Variants in EML6 observed in about 807,000 individuals in gnomAD.
EML6 encodes EMAP like 6.
In EML6, 154 loss-of-function variants were observed where a neutral mutation model predicts 240.1. The observed-to-expected ratio is 0.64, with a 90% CI of 0.56 to 0.73. EML6 has a LOEUF of 0.73. Ranked by LOEUF, EML6 falls within the 30% of genes least tolerant of loss-of-function variation. The probability of loss-of-function intolerance (pLI) is 0.00; values close to 1 mark genes in which losing one functional copy is unlikely to be tolerated. For synonymous variants in EML6, 1,148 were observed against 899.0 expected (o/e 1.28, Z -4.95); for missense variants, 2,964 against 2,474.6 (o/e 1.20, Z -4.20).
chr2:54,912,903 C>G lies in EML6; in HGVS notation c.3498+1861C>G, dbSNP rs1324329872. Among the ~76,000 whole-genome samples the G allele has an allele frequency of 2.6e-5, 4 of 152,062 alleles. No homozygotes were observed. The East Asian group carries it at 7.7e-4, about 29-fold the overall frequency. The stretch of plus-strand genomic sequence containing the variant: ...ATGTGTCTTTTTGGTAGAACAATTC[C>G]TTTTCTTTGGGGTATGTACCCAGTA... On this transcript the variant is annotated intron_variant, in intron 25 of 41. Transcript: ENST00000356458.
chr2:54,944,881 G>C (rs1030115188), intron 28 of EML6, among the ~76,000 whole-genome samples: 2 of 151,836 alleles, frequency 1.3e-5, no homozygotes, highest in African/African-American at 4.8e-5. Context: ...GTCCAGTTTG[G>C]TCTTGATAAC....
intron 35 of EML6, among the ~76,000 whole-genome samples, chr2:54,961,203 T>TTTTTTTTTTTG (rs1558729687): frequency 7.1e-6 from 1 of 141,264 alleles, no homozygotes; most frequent in African/African-American, 2.7e-5. Context: ...TTTTTTTTTT[T>TTTTTTTTTTTG]GAGACGGAGT....
intron 2 of EML6, among the ~76,000 whole-genome samples, chr2:54,785,155 C>G (rs1669021350): frequency 6.7e-6 from 1 of 148,852 alleles, no homozygotes; most frequent in South Asian, 2.1e-4. Flanking sequence ...AGATTTCCAC[C>G]CCCCCACACA....
At chr2:54,858,615 C>T (rs1670513573) in intron 11 of EML6, among the ~76,000 whole-genome samples, 1 of 152,210 alleles carries the variant, frequency 6.6e-6, no homozygotes, top group Non-Finnish European at 1.5e-5. Context: ...CCTTTCCCTT[C>T]TGCAGCAGAA....
chr2:54,893,741 TC>T (rs1249202747), intron 19 of EML6, among the ~76,000 whole-genome samples: 1 of 152,226 alleles, frequency 6.6e-6, no homozygotes, highest in Non-Finnish European at 1.5e-5. Flanking sequence ...GTCTCAATTT[TC>T]TTTTACCTGT....
chr2:54,968,326 C>T (rs1252694506), intron 40 of EML6, 45 bp downstream of exon 40: 6 of 1,541,526 alleles, frequency 3.9e-6, no homozygotes, highest in East Asian at 2.4e-5. Context: ...CTCTGTTTGG[C>T]CGTCTGCAGG....
intron 7 of EML6, among the ~76,000 whole-genome samples, chr2:54,832,913 C>T (rs1460004001): frequency 6.6e-6 from 1 of 152,200 alleles, no homozygotes; most frequent in African/African-American, 2.4e-5. Context: ...TCAGTTTGGA[C>T]ATGACAGTTT....
intron 26 of EML6, among the ~76,000 whole-genome samples, chr2:54,924,920 T>C (rs537287096): frequency 6.6e-6 from 1 of 152,188 alleles, no homozygotes; most frequent in African/African-American, 2.4e-5. Flanking sequence ...AATACATGAA[T>C]CTCTTGCCAA....
At chr2:54,818,183 G>GT (rs1480974300) in intron 4 of EML6, among the ~76,000 whole-genome samples, 1 of 152,110 alleles carries the variant, frequency 6.6e-6, no homozygotes, top group African/African-American at 2.4e-5. Flanking sequence ...GTTACAAACA[G>GT]TTTAAACCAG....
At chr2:54,969,042 G>A (rs1054411730) in intron 41 of EML6, among the ~76,000 whole-genome samples, 1 of 152,200 alleles carries the variant, frequency 6.6e-6, no homozygotes, top group African/African-American at 2.4e-5. Flanking sequence ...GGGGGAAAGG[G>A]ACAGGTGGAT....
intron 12 of EML6, among the ~76,000 whole-genome samples, chr2:54,862,359 A>AAC (rs1287451893): frequency 6.6e-6 from 1 of 150,970 alleles, no homozygotes; most frequent in Non-Finnish European, 1.5e-5. Flanking sequence ...AAAAAAAAAA[A>AAC]AAAAAACTTT....
intron 12 of EML6, among the ~76,000 whole-genome samples, chr2:54,861,907 A>G (rs1238862244): frequency 6.6e-6 from 1 of 152,144 alleles, no homozygotes; most frequent in African/African-American, 2.4e-5. Flanking sequence ...GATTTACCCA[A>G]CAGGGAATTC....
At chr2:54,924,940 C>G (rs1165283024) in intron 26 of EML6, among the ~76,000 whole-genome samples, 1 of 152,132 alleles carries the variant, frequency 6.6e-6, no homozygotes, top group African/African-American at 2.4e-5. Context: ...ATGAATATTT[C>G]CAGCTGTATA....
intron 32 of EML6, among the ~76,000 whole-genome samples, chr2:54,955,876 C>T (rs1295091305): frequency 1.3e-5 from 2 of 152,224 alleles, no homozygotes; most frequent in African/African-American, 2.4e-5. Context: ...CTCCTCCCTT[C>T]CTTCTCCAGT....
intron 17 of EML6, among the ~76,000 whole-genome samples, chr2:54,883,470 C>G (rs991797628): frequency 1.3e-5 from 2 of 152,188 alleles, no homozygotes; most frequent in Non-Finnish European, 2.9e-5. Context: ...GACTGGGCCT[C>G]TATGCAAACA....
At chr2:54,913,071 G>GTTTTTTTTT (rs1216432893) in intron 25 of EML6, among the ~76,000 whole-genome samples, 29 of 125,670 alleles carry the variant, frequency 2.3e-4, no homozygotes, top group Non-Finnish European at 3.1e-4. Flanking sequence ...GCCAGATTCT[G>GTTTTTTTTT]TTTTTTTTTT....
intron 7 of EML6, among the ~76,000 whole-genome samples, chr2:54,830,349 G>A (rs1480716466): frequency 2.6e-5 from 4 of 152,178 alleles, no homozygotes; most frequent in East Asian, 3.9e-4. Flanking sequence ...CAAGGGAGGG[G>A]TACATGGTAC....
intron 2 of EML6, among the ~76,000 whole-genome samples, chr2:54,805,310 G>A (rs775012090): frequency 6.6e-6 from 1 of 152,088 alleles, no homozygotes; most frequent in African/African-American, 2.4e-5. Context: ...GGTTTCCCTT[G>A]GATAAATTCT....
chr2:54,755,606 G>T (rs1684363472), intron 2 of EML6, among the ~76,000 whole-genome samples: 1 of 152,144 alleles, frequency 6.6e-6, no homozygotes, highest in Admixed American at 6.5e-5. Flanking sequence ...TGCTATTGCA[G>T]ATGGTATACT....
Sources: allele counts gnomAD v4.1 joint callset (sites outside exome capture counted in the v4.1 genomes callset), GRCh38; gene constraint gnomAD v4.1.1; transcripts MANE v1.5; gene names NCBI Gene and HGNC (gene_info 2026-07-23, HGNC 2026-07-21).